Variants in ACTMAP observed in about 807,000 individuals in gnomAD.
ACTMAP encodes UPF0692 protein C19orf54.
chr19:40,745,080 G>A, the ACTMAP span: 1 of 1,542,480 alleles, frequency 6.5e-7, no homozygotes, highest in Non-Finnish European at 8.8e-7. Context: ...CCCAGCAAGG[G>A]CAGAGTAAAG....
the ACTMAP span, chr19:40,745,120 G>C: frequency 6.4e-7 from 1 of 1,551,898 alleles, no homozygotes; most frequent in Non-Finnish European, 8.7e-7. Context: ...TCCCGCATCA[G>C]GGCACATACT....
At chr19:40,747,022 G>C in the ACTMAP span, among the ~76,000 whole-genome samples, 1 of 151,206 alleles carries the variant, frequency 6.6e-6, no homozygotes. Context: ...GGCCAGGCTA[G>C]TCTCAAACTC....
chr19:40,750,091 G>C, the ACTMAP span, among the ~76,000 whole-genome samples: 1 of 152,274 alleles, frequency 6.6e-6, no homozygotes, highest in East Asian at 1.9e-4. Flanking sequence ...GTCTTAGGTG[G>C]AGAGTTAGTA....
At chr19:40,742,154 T>C in the ACTMAP span, 1 of 623,618 alleles carries the variant, frequency 1.6e-6, no homozygotes, top group Non-Finnish European at 3.0e-6. Context: ...AGGCAGGAGG[T>C]TCCTCAAATG....
chr19:40,742,090 T>C, the ACTMAP span: 4 of 524,806 alleles, frequency 7.6e-6, no homozygotes, highest in Admixed American at 2.3e-5. Flanking sequence ...TAAGGAGGGG[T>C]GAGCTGAGGC....
the ACTMAP span, chr19:40,744,824 A>AG: frequency 7.6e-7 from 1 of 1,307,270 alleles, no homozygotes; most frequent in Non-Finnish European, 1.0e-6. Flanking sequence ...ACTCCCCTTC[A>AG]GGGGAGAGCC....
At chr19:40,744,523 T>C in the ACTMAP span, 3 of 1,610,520 alleles carry the variant, frequency 1.9e-6, no homozygotes, top group Admixed American at 5.0e-5. Flanking sequence ...CCCAGCCTCA[T>C]GAAGAGATGA....
chr19:40,741,022 A>G, the ACTMAP span: 6 of 398,568 alleles, frequency 1.5e-5, no homozygotes, highest in Admixed American at 4.4e-5. Flanking sequence ...GATGTGTTAC[A>G]ATGCAGGGGA....
the ACTMAP span, chr19:40,744,856 G>A: frequency 9.5e-7 from 1 of 1,054,132 alleles, no homozygotes; most frequent in East Asian, 2.6e-5. Flanking sequence ...GGCTGGGGGT[G>A]GAAGGCGGGG....
chr19:40,745,016 C>T, the ACTMAP span: 24 of 1,290,952 alleles, frequency 1.9e-5, no homozygotes, highest in African/African-American at 3.1e-4. Flanking sequence ...TTCCTTCCCT[C>T]CTCCTCCCAG....
At chr19:40,744,339 A>T in the ACTMAP span, 1 of 1,382,126 alleles carries the variant, frequency 7.2e-7, no homozygotes, top group South Asian at 1.5e-5. Context: ...AAAGAGCGTG[A>T]GTGGCTTGTC....
At chr19:40,749,409 C>CCA in the ACTMAP span, 3 of 1,415,314 alleles carry the variant, frequency 2.1e-6, no homozygotes, top group Non-Finnish European at 2.9e-6. Flanking sequence ...CGGGAACCCC[C>CCA]CCCCCACCCC....
At chr19:40,749,922 G>A in the ACTMAP span, 3 of 817,216 alleles carry the variant, frequency 3.7e-6, no homozygotes, top group Admixed American at 7.7e-5. Flanking sequence ...CCAGAATCTG[G>A]GGACTGAGCA....
chr19:40,744,595 C>T, the ACTMAP span: 1 of 1,613,856 alleles, frequency 6.2e-7, no homozygotes. Context: ...TAGCCTCTTT[C>T]CGTGGCCACC....
the ACTMAP span, chr19:40,741,131 C>A: frequency 2.5e-6 from 1 of 399,864 alleles, no homozygotes; most frequent in South Asian, 1.3e-4. Flanking sequence ...CCTCTTTACC[C>A]TGATCACTGG....
the ACTMAP span, chr19:40,742,675 G>C: frequency 2.5e-6 from 4 of 1,613,228 alleles, no homozygotes; most frequent in Non-Finnish European, 3.4e-6. Flanking sequence ...GATGGTGGTT[G>C]GCAGGGCGTG....
At chr19:40,746,642 T>G in the ACTMAP span, among the ~76,000 whole-genome samples, 1 of 152,212 alleles carries the variant, frequency 6.6e-6, no homozygotes, top group Non-Finnish European at 1.5e-5. Flanking sequence ...ACCAAAGTGC[T>G]GGGATCACAG....
chr19:40,749,904 G>A, the ACTMAP span: 1 of 980,010 alleles, frequency 1.0e-6, no homozygotes, highest in Non-Finnish European at 1.4e-6. Context: ...AGGTTTAAGA[G>A]CTGAGTTCCA....
chr19:40,749,896 G>A, the ACTMAP span: 2 of 1,048,276 alleles, frequency 1.9e-6, no homozygotes, highest in Non-Finnish European at 2.6e-6. Context: ...GATTTTAAAG[G>A]TTTAAGAGCT....
Sources: gnomAD v4.1 joint callset for allele counts (sites outside exome capture counted in the v4.1 genomes callset) on GRCh38, gnomAD v4.1.1 for gene constraint, MANE v1.5 for transcripts, NCBI Gene and HGNC (gene_info 2026-07-23, HGNC 2026-07-21) for gene names.